The following RPS6KA2 variants were observed in gnomAD, a reference collection of about 807,000 sequenced individuals.
The protein encoded by RPS6KA2 is ribosomal protein S6 kinase A2, also known as ribosomal protein S6 kinase alpha-2.
In RPS6KA2, 42 loss-of-function variants were observed where a neutral mutation model predicts 91.8. The ratio of observed to expected loss-of-function variants is 0.46; its 90% CI spans 0.36 to 0.59. The LOEUF (loss-of-function observed/expected upper bound fraction) is 0.59. Ranked by LOEUF, RPS6KA2 falls within the 20% of genes least tolerant of loss-of-function variation. The pLI, the probability that RPS6KA2 is intolerant of heterozygous loss-of-function variation, is 0.00. For missense variants in RPS6KA2, 798 were observed against 978.5 expected, an observed-to-expected ratio of 0.82 and a Z score of 2.46; for synonymous variants, 414 against 393.6, an observed-to-expected ratio of 1.05 and a Z score of -0.61.
chr6:166,775,749 C>T (rs1450519088), intron 2 of RPS6KA2, among the ~76,000 whole-genome samples: 1 of 152,348 alleles, frequency 6.6e-6, no homozygotes, highest in South Asian at 2.1e-4. Flanking sequence ...AGATAAAGCG[C>T]GGTGGAAACA....
chr6:166,579,053 C>T (rs552025853), intron 1 of RPS6KA2, among the ~76,000 whole-genome samples: 7 of 152,240 alleles, frequency 4.6e-5, no homozygotes, highest in East Asian at 1.9e-4. Flanking sequence ...GCATGGAAAA[C>T]GGAGGATCAG....
At chr6:166,517,399 C>T (rs1371881728) in intron 3 of RPS6KA2, among the ~76,000 whole-genome samples, 3 of 151,212 alleles carry the variant, frequency 2.0e-5, no homozygotes, top group African/African-American at 7.3e-5. Flanking sequence ...CTTGTGATGG[C>T]CTTGACAGCA....
rs144917122 is a variant in RPS6KA2, at chr6:166,554,599, C to T, written c.100-15815G>A. On this transcript the variant is annotated intron_variant, in intron 1 of 20. Coordinates refer to ENST00000265678, the MANE Select transcript of RPS6KA2 (RefSeq NM_021135.6). The surrounding 1 kb of genome is among the most constrained non-coding windows in gnomAD (Gnocchi z 4.3). ...ATGCGATGTGAGAACTCGCGGCTGG[C>T]ACGCGGGTGGCCATGGGGGGGTGGG... Among the ~76,000 whole-genome samples the T allele has an allele frequency of 6.6e-6, 1 of 152,358 alleles. No individual in the cohort carries two copies. The highest frequency in any genetic ancestry group is 1.5e-5 in the Non-Finnish European group (1 of 68,032).
chr6:166,637,524 A>G (rs1168415528), intron 2 of RPS6KA2, among the ~76,000 whole-genome samples: 1 of 152,200 alleles, frequency 6.6e-6, no homozygotes, highest in African/African-American at 2.4e-5. Context: ...AGAGTAGGAG[A>G]GCCAGCAAGC....
chr6:166,652,504 G>A lies in RPS6KA2; in HGVS notation c.124-113720C>T, dbSNP rs984823181. On this transcript the variant is annotated intron_variant, in intron 2 of 21. Transcript: ENST00000503859. ...ACCACATGGAGGTTGTCTTCTCGAT[G>A]GCGCAACCATGAACTGGACACGTTT... Among the ~76,000 whole-genome samples, 19 of 152,202 alleles carry A rather than the reference G, an allele frequency of 1.2e-4. No individual in the cohort carries two copies. The East Asian group carries it at 3.7e-3, about 29-fold the overall frequency.
At chr6:166,531,897 A>T (rs190342931) in intron 2 of RPS6KA2, among the ~76,000 whole-genome samples, 2 of 152,212 alleles carry the variant, frequency 1.3e-5, no homozygotes, top group Admixed American at 6.5e-5. Context: ...CAACAAAAAA[A>T]GGTAATTGAG....
At chr6:166,582,541 AG>A (rs1785054297) in intron 1 of RPS6KA2, among the ~76,000 whole-genome samples, 1 of 152,228 alleles carries the variant, frequency 6.6e-6, no homozygotes, top group Non-Finnish European at 1.5e-5. Flanking sequence ...TGGAGCTCTG[AG>A]AGATTTTTCA....
At chr6:166,550,905 G>A (rs1373121086) in intron 1 of RPS6KA2, among the ~76,000 whole-genome samples, 1 of 149,560 alleles carries the variant, frequency 6.7e-6, no homozygotes, top group Non-Finnish European at 1.5e-5. Context: ...GGAGGCTGAG[G>A]CAGCGGAATC....
intron 2 of RPS6KA2, among the ~76,000 whole-genome samples, chr6:166,683,338 A>G (rs58396565): frequency 6.6e-6 from 1 of 152,278 alleles, no homozygotes; most frequent in African/African-American, 2.4e-5. Flanking sequence ...GGCAAGAGCC[A>G]GAAATGTACC....
At chr6:166,602,353 T>C (rs1312549823) in intron 1 of RPS6KA2, among the ~76,000 whole-genome samples, 1 of 152,182 alleles carries the variant, frequency 6.6e-6, no homozygotes, top group Non-Finnish European at 1.5e-5. Flanking sequence ...CACTCCCAGG[T>C]ATATACCCGA....
intron 2 of RPS6KA2, among the ~76,000 whole-genome samples, chr6:166,848,800 G>A (rs1336174882): frequency 2.0e-5 from 3 of 152,132 alleles, no homozygotes; most frequent in Non-Finnish European, 4.4e-5. Context: ...ACTGGGTACA[G>A]TGTACACTGC....
intron 16 of RPS6KA2, among the ~76,000 whole-genome samples, chr6:166,427,636 C>T (rs1220226839): frequency 6.6e-6 from 1 of 152,178 alleles, no homozygotes; most frequent in Non-Finnish European, 1.5e-5. Context: ...ACAAAAATCA[C>T]AAGCATTCTT....
rs1328157410 is a variant in RPS6KA2 at position 166,508,441 on chromosome 6, AC to A, written c.380-160del. ...CTGGTGACCAGCTCAGAGGGGCAGC[AC>A]CCGGCAGAGGGGGTCTGACACTGTG... On this transcript the variant is annotated intron_variant, in intron 4 of 20. Transcript: ENST00000265678. This position sits in a 1 kb window ranked among gnomAD's most constrained non-coding sequence, Gnocchi z 4.3. 6.7e-6 allele frequency among the ~76,000 whole-genome samples: 1 copy of A among 149,268 alleles called. No homozygotes were observed. The highest frequency in any genetic ancestry group is 2.0e-4 in the East Asian group (1 of 5,048).
intron 1 of RPS6KA2, among the ~76,000 whole-genome samples, chr6:166,604,796 C>T (rs1052158781): frequency 4.6e-5 from 7 of 152,230 alleles, no homozygotes; most frequent in Non-Finnish European, 8.8e-5. Flanking sequence ...CCTCACCCAA[C>T]GCAGACCTAC....
At chr6:166,685,587 A>G (rs927004634) in intron 2 of RPS6KA2, among the ~76,000 whole-genome samples, 1 of 152,160 alleles carries the variant, frequency 6.6e-6, no homozygotes, top group Non-Finnish European at 1.5e-5. Flanking sequence ...CCCTAGGATT[A>G]GGGAAGATCT....
At chr6:166,510,675 T>C (rs1341493283) in intron 3 of RPS6KA2, among the ~76,000 whole-genome samples, 2 of 146,376 alleles carry the variant, frequency 1.4e-5, no homozygotes, top group Non-Finnish European at 3.0e-5. Context: ...CATGTGCAGG[T>C]GTCTCCTAAG....
chr6:166,814,990 C>G (rs1389698741), intron 2 of RPS6KA2, among the ~76,000 whole-genome samples: 1 of 152,208 alleles, frequency 6.6e-6, no homozygotes, highest in Non-Finnish European at 1.5e-5. Flanking sequence ...AGTGGAAAAA[C>G]TGTCATCCAC....
At chr6:166,642,027 C>T (rs191243461) in intron 2 of RPS6KA2, among the ~76,000 whole-genome samples, 37 of 151,664 alleles carry the variant, frequency 2.4e-4, no homozygotes, top group African/African-American at 7.0e-4. Flanking sequence ...TAAAATATAC[C>T]GATCTTCATA....
At chr6:166,417,409 G>T (rs560546641) in intron 19 of RPS6KA2, among the ~76,000 whole-genome samples, 1 of 152,278 alleles carries the variant, frequency 6.6e-6, no homozygotes, top group South Asian at 2.1e-4. Flanking sequence ...TGCACAATGT[G>T]GGTCAGCCTC....
Sources: allele counts gnomAD v4.1 joint callset (sites outside exome capture counted in the v4.1 genomes callset), GRCh38; gene constraint gnomAD v4.1.1; non-coding constraint Gnocchi (gnomAD v3.1); transcripts MANE v1.5; gene names NCBI Gene and HGNC (gene_info 2026-07-23, HGNC 2026-07-21).